The following GRIK5 variants were observed in gnomAD, a reference collection of about 807,000 sequenced individuals.
GRIK5 encodes glutamate ionotropic receptor kainate type subunit 5, also known as glutamate receptor ionotropic, kainate 5.
In GRIK5, 43 loss-of-function variants were observed where a neutral mutation model predicts 97.4. The ratio of observed to expected loss-of-function variants is 0.44; its 90% CI spans 0.35 to 0.57. The LOEUF (loss-of-function observed/expected upper bound fraction) is 0.57, where lower values mean the gene tolerates loss of function less well. Ranked by LOEUF, GRIK5 falls within the 20% of genes least tolerant of loss-of-function variation. GRIK5 has a pLI of 0.01. For synonymous variants in GRIK5, 580 were observed against 583.5 expected (o/e 0.99, Z 0.09); for missense variants, 1,015 against 1,382.0 (o/e 0.73, Z 4.21).
intron 15 of GRIK5, among the ~76,000 whole-genome samples, chr19:42,007,377 G>T (rs1485624484): frequency 6.6e-6 from 1 of 152,170 alleles, no homozygotes; most frequent in Non-Finnish European, 1.5e-5. Context: ...TTACAGGAGT[G>T]AGCGACCACG....
chr19:42,022,952 G>T lies in GRIK5; in HGVS notation c.1474-598C>A, dbSNP rs2075720525. ...CAAAGCACAACCCTGGATGAAGGAG[G>T]GATGGCCCAGGCCCAAAACTTCAGC... is the stretch of plus-strand genomic sequence containing the variant. On this transcript the variant is annotated intron_variant, in intron 12 of 19. Transcript: ENST00000593562. This position sits in a 1 kb window ranked among gnomAD's most constrained non-coding sequence, Gnocchi z 4.2. Among the ~76,000 whole-genome samples the T allele has an allele frequency of 1.3e-5, 2 of 152,058 alleles. No homozygotes were observed. The highest frequency in any genetic ancestry group is 1.3e-4 in the Admixed American group (2 of 15,244).
intron 1 of GRIK5, among the ~76,000 whole-genome samples, chr19:42,067,735 C>T (rs2076357654): frequency 6.6e-6 from 1 of 152,096 alleles, no homozygotes; most frequent in Non-Finnish European, 1.5e-5. Flanking sequence ...CACAGAGATA[C>T]ACACAGAAAG....
Position 42,069,205 on chromosome 19 carries a change from A to AG in GRIK5, c.-51+35dup. The AG allele has an allele frequency of 1.2e-5, 4 of 346,302 alleles. No homozygotes were observed. The South Asian group carries it at 4.8e-4, about 41-fold the overall frequency. 21.5% of individuals were successfully genotyped at this position (346,302 alleles called of 1,614,324 possible). A position where few individuals can be genotyped will look rare whatever the true frequency, so the allele number is the denominator to read the frequency against. ...ACCAGAGCCCAGCCTTCCAGGACCC[A>AG]GAACCCAGCCCAATCCCTGCCCTGC... On this transcript the variant is annotated intron_variant, in intron 1 of 19. Coordinates refer to ENST00000593562, the MANE Select transcript of GRIK5 (RefSeq NM_002088.5).
At chr19:42,014,094 T>C (rs2075597859) in intron 15 of GRIK5, among the ~76,000 whole-genome samples, 1 of 150,800 alleles carries the variant, frequency 6.6e-6, no homozygotes, top group South Asian at 2.1e-4. Flanking sequence ...ATAAATAAAA[T>C]TTAAAAGAAA....
chr19:42,017,731 G>A (rs976454593), intron 15 of GRIK5, among the ~76,000 whole-genome samples: 5 of 152,186 alleles, frequency 3.3e-5, no homozygotes, highest in African/African-American at 1.2e-4. Flanking sequence ...ATAAGGGGTC[G>A]CATGTGCGCC....
In GRIK5 at chr19:41,998,897, G is replaced by C. The variant is rs1439302577; in HGVS notation, c.2917C>G (p.Pro973Ala). ...PPRPRPGPAG[P>A]RELAEHE is the part of the protein sequence containing the mutation. ...CACTCGTGCTCCGCCAGCTCCCGGG[G>C]GCCGGCGGGGCCAGGCCGCGGCCGG... The change falls in exon 20 of 20, where the codon CCC (proline) becomes GCC (alanine). Residue 973 changes from proline to alanine, a missense_variant. Physicochemically the swap from Pro to Ala is conservative, Grantham distance 27 (BLOSUM62 -1). Around this residue, in one of 5 missense-constraint regions of GRIK5, gnomAD observed 109 missense variants for 100.4 expected, o/e 1.09. Transcript: ENST00000593562. 1 of 1,119,734 alleles carries C rather than the reference G, an allele frequency of 8.9e-7. No homozygotes were observed. The highest frequency in any genetic ancestry group is 1.1e-6 in the Non-Finnish European group (1 of 916,494). 69.4% of individuals were successfully genotyped at this position (1,119,734 alleles called of 1,614,324 possible).
chr19:42,000,579 G>C (rs1416117812), intron 19 of GRIK5, among the ~76,000 whole-genome samples: 2 of 152,210 alleles, frequency 1.3e-5, no homozygotes, highest in Non-Finnish European at 2.9e-5. Context: ...GAGATACCAA[G>C]TGTGGAGCTG....
intron 1 of GRIK5, chr19:42,068,474 A>C: frequency 1.7e-4 from 56 of 324,138 alleles, no homozygotes; most frequent in Non-Finnish European, 2.0e-4. Context: ...GAGGTGGGGC[A>C]GCAGCTGAGG....
chr19:42,024,694 T>A (rs114155340), intron 12 of GRIK5, among the ~76,000 whole-genome samples: 3,655 of 152,240 alleles, frequency 0.024, 139 homozygotes, highest in African/African-American at 0.083. Context: ...CTGACTGGCA[T>A]TCCAGGCAGC....
intron 1 of GRIK5, among the ~76,000 whole-genome samples, chr19:42,066,403 A>T (rs2076332606): frequency 6.6e-6 from 1 of 151,346 alleles, no homozygotes; most frequent in Non-Finnish European, 1.5e-5. Context: ...AGAGATGGAG[A>T]GATGGAGAAA....
chr19:42,013,424 T>TG, intron 15 of GRIK5, among the ~76,000 whole-genome samples: 1 of 145,664 alleles, frequency 6.9e-6, no homozygotes. Flanking sequence ...TTTTTTTTTT[T>TG]TTTGAGATGG....
chr19:42,053,697 A>G lies in GRIK5; in HGVS notation c.1174T>C (p.Tyr392His). 1 of 1,608,904 alleles carries G rather than the reference A, an allele frequency of 6.2e-7. No homozygotes were observed. The highest frequency in any genetic ancestry group is 8.5e-7 in the Non-Finnish European group (1 of 1,175,252). The change falls in exon 11 of 20, where the codon TAC (tyrosine) becomes CAC (histidine). Residue 392 changes from tyrosine (Y) to histidine (H), a missense_variant. By Grantham distance (83) the Tyr-to-His change is moderately conservative. Coordinates refer to ENST00000593562, the MANE Select transcript of GRIK5 (RefSeq NM_002088.5). ...RQGHREIGVW[Y>H]SNRTLAMNAT... ...TTCATGGCCAGGGTGCGGTTAGAGT[A>G]CCACACCCCAATCTAGGGGGCAGAG... is the stretch of plus-strand genomic sequence containing the variant.
Position 42,006,584 on chromosome 19 carries a change from C to T in GRIK5, c.2037+61G>A. 6.7e-7 allele frequency: 1 copy of T among 1,486,412 alleles called. No individual in the cohort carries two copies. Among genetic ancestry groups the T allele is most frequent in the Non-Finnish European group, 9.4e-7 (1 of 1,068,384 alleles). The allele number at this position is 1,486,412 out of a possible 1,614,324, so 92.1% of individuals were successfully genotyped here. The stretch of plus-strand genomic sequence containing the variant: ...CCAGGAGACCCTGCCCAGACCCATC[C>T]TGAGCTGCTTTGCATGGCAGGGATC... On this transcript the variant is annotated intron_variant, in intron 16 of 19. Coordinates refer to ENST00000593562, the MANE Select transcript of GRIK5 (RefSeq NM_002088.5). This position sits in a 1 kb window ranked among gnomAD's most constrained non-coding sequence, Gnocchi z 5.3.
At chr19:42,011,987 C>A (rs1180449982) in intron 15 of GRIK5, among the ~76,000 whole-genome samples, 1 of 151,910 alleles carries the variant, frequency 6.6e-6, no homozygotes, top group East Asian at 1.9e-4. Flanking sequence ...GTCCCAGTAA[C>A]CCCCTAAAGG....
intron 15 of GRIK5, among the ~76,000 whole-genome samples, chr19:42,012,312 A>G (rs1005537859): frequency 2.0e-5 from 3 of 152,074 alleles, no homozygotes; most frequent in African/African-American, 7.2e-5. Flanking sequence ...GTGCAGTGGC[A>G]CGATCTCAGC....
At position 42,059,442 on chromosome 19, in the gene GRIK5, G is replaced by A; in HGVS notation, c.594C>T (p.Asp198=). ...LSVRMLDDSR[D]PTPLLKEIRD... ...GGATCTCCTTGAGCAGTGGTGTGGG[G>A]TCCCGGCTGTCGTCCAACATCCTCA... Residue 198 remains aspartate, a synonymous_variant, in exon 6 of 20, where the codon GAC becomes GAT. Transcript: ENST00000593562. The A allele has an allele frequency of 6.2e-7, 1 of 1,613,898 alleles. No homozygotes were observed. Among genetic ancestry groups the A allele is most frequent in the African/African-American group, 1.3e-5 (1 of 75,000 alleles).
Position 42,042,603 on chromosome 19 carries a change from C to T in GRIK5, c.1422G>A (p.Ala474=), listed in dbSNP as rs373407495. 17 of 1,612,414 alleles carry T rather than the reference C, an allele frequency of 1.1e-5. No homozygotes were observed. The highest frequency in any genetic ancestry group is 3.3e-5 in the Admixed American group (2 of 59,998). Residue 474 remains alanine (A), a synonymous_variant, in exon 12 of 20, where the codon GCG becomes GCA. Coordinates refer to ENST00000593562, the MANE Select transcript of GRIK5 (RefSeq NM_002088.5). The surrounding 1 kb of genome is among the most constrained non-coding windows in gnomAD (Gnocchi z 6.9). ...LRLVEDGLYG[A]PEPNGSWTGM... The stretch of plus-strand genomic sequence containing the variant: ...CCGTCCAGGAGCCGTTGGGCTCGGG[C>T]GCCCCGTACAGCCCATCCTCCACCA...
chr19:42,025,981 ACT>A (rs2075766808), intron 12 of GRIK5, among the ~76,000 whole-genome samples: 1 of 151,750 alleles, frequency 6.6e-6, no homozygotes, highest in African/African-American at 2.4e-5. Context: ...TTCTGCAATG[ACT>A]CTGCTTGTTT....
chr19:42,049,269 A>G (rs1343366411), intron 11 of GRIK5, among the ~76,000 whole-genome samples: 2 of 152,184 alleles, frequency 1.3e-5, no homozygotes, highest in Non-Finnish European at 2.9e-5. Context: ...AATACGTGAT[A>G]AAGCTAGGAC....
Sources: gnomAD v4.1 joint callset for allele counts (sites outside exome capture counted in the v4.1 genomes callset) on GRCh38, gnomAD v4.1.1 for gene constraint, gnomAD v4.1.1 regional missense constraint, Gnocchi (gnomAD v3.1) non-coding constraint, MANE v1.5 for transcripts, NCBI Gene and HGNC (gene_info 2026-07-23, HGNC 2026-07-21) for gene names.